CRTAC1: variants seen among roughly 807,000 people sequenced by gnomAD.
The protein encoded by CRTAC1 is cartilage acidic protein 1.
In CRTAC1, 37 loss-of-function variants were observed where a neutral mutation model predicts 67.8. The observed-to-expected ratio is 0.55, with a 90% CI of 0.42 to 0.72. The LOEUF is 0.72. Among genes scored for constraint, CRTAC1 ranks in the 30% least tolerant of loss-of-function variants. The pLI, the probability that CRTAC1 is intolerant of heterozygous loss-of-function variation, is 0.00. For synonymous variants in CRTAC1, 348 were observed against 371.0 expected, an observed-to-expected ratio of 0.94 and a Z score of 0.71; for missense variants, 780 against 931.6, an observed-to-expected ratio of 0.84 and a Z score of 2.12.
intron 2 of CRTAC1, among the ~76,000 whole-genome samples, chr10:97,995,858 C>G (rs1842554405): frequency 6.6e-6 from 1 of 152,112 alleles, no homozygotes; most frequent in South Asian, 2.1e-4. Context: ...TACAAATCCT[C>G]TCTGGTAAAA....
intron 3 of CRTAC1, among the ~76,000 whole-genome samples, chr10:97,926,506 C>T (rs1002067570): frequency 1.6e-4 from 25 of 152,116 alleles, no homozygotes; most frequent in African/African-American, 5.6e-4. Flanking sequence ...ATTTTTCCTT[C>T]AGACTTTGGA....
chr10:97,925,858 T>C (rs937298927), intron 3 of CRTAC1, among the ~76,000 whole-genome samples: 1 of 151,858 alleles, frequency 6.6e-6, no homozygotes, highest in Non-Finnish European at 1.5e-5. Context: ...GTAAGAAGCG[T>C]GTGTAAGTGA....
Position 98,001,797 on chromosome 10 carries a change from C to G in CRTAC1, c.224+9341G>C, listed in dbSNP as rs973584235. Among the ~76,000 whole-genome samples, 4 of 152,174 alleles carry G rather than the reference C, an allele frequency of 2.6e-5. No individual in the cohort carries two copies. The East Asian group carries it at 7.7e-4, about 29-fold the overall frequency. Reference sequence around the variant, plus strand: ...CTAGACACCCGCACCTCAAAAATAACCTCAAAAGTTTCCTTAGAGGGAAAA... The same window carrying G: ...CTAGACACCCGCACCTCAAAAATAAGCTCAAAAGTTTCCTTAGAGGGAAAA... On this transcript the variant is annotated intron_variant, in intron 2 of 14. Transcript: ENST00000370597.
intron 12 of CRTAC1, 127 bp from the exon 13 acceptor site, chr10:97,882,955 C>G: frequency 1.1e-6 from 1 of 948,576 alleles, no homozygotes; most frequent in Non-Finnish European, 1.6e-6. Context: ...GAGCTCTGGG[C>G]CTGGGGGGAG....
At chr10:97,923,761 T>A (rs1302844080) in intron 3 of CRTAC1, among the ~76,000 whole-genome samples, 1 of 152,134 alleles carries the variant, frequency 6.6e-6, no homozygotes, top group African/African-American at 2.4e-5. Context: ...TACGGCAACA[T>A]CCAAACTCAA....
intron 2 of CRTAC1, among the ~76,000 whole-genome samples, chr10:97,939,130 T>C (rs1292585422): frequency 1.3e-5 from 2 of 152,114 alleles, no homozygotes; most frequent in African/African-American, 4.8e-5. Context: ...TCTCCTAGAA[T>C]GTCTTCACCA....
chr10:97,977,805 C>T lies in CRTAC1; in HGVS notation c.224+33333G>A, dbSNP rs527826772. On this transcript the variant is annotated intron_variant, in intron 2 of 14. Coordinates refer to ENST00000370597, the MANE Select transcript of CRTAC1 (RefSeq NM_018058.7). ...CCTATTGGAATTGATGAGTACCTCA[C>T]GAGTGTAAATCAGAGTGGCAGGGAA... 2.6e-5 allele frequency among the ~76,000 whole-genome samples: 4 copies of T among 152,266 alleles called. No individual in the cohort carries two copies. In the East Asian group the frequency reaches 5.8e-4, roughly 22 times the overall value.
At chr10:97,896,693 G>A (rs1355472012) in intron 9 of CRTAC1, among the ~76,000 whole-genome samples, 1 of 152,180 alleles carries the variant, frequency 6.6e-6, no homozygotes, top group Non-Finnish European at 1.5e-5. Flanking sequence ...CTGGGATTGG[G>A]GGAGTGGACC....
intron 1 of CRTAC1, among the ~76,000 whole-genome samples, chr10:98,019,492 A>G (rs1843073864): frequency 6.6e-6 from 1 of 152,176 alleles, no homozygotes; most frequent in African/African-American, 2.4e-5. Flanking sequence ...CTGAACATCC[A>G]CAATGCACAG....
At chr10:97,941,486 C>T (rs1447844990) in intron 2 of CRTAC1, among the ~76,000 whole-genome samples, 1 of 152,144 alleles carries the variant, frequency 6.6e-6, no homozygotes, top group Non-Finnish European at 1.5e-5. Flanking sequence ...GACTGGCTAC[C>T]TGACATCACC....
chr10:97,997,165 G>T (rs1436767019), intron 2 of CRTAC1, among the ~76,000 whole-genome samples: 9 of 148,994 alleles, frequency 6.0e-5, no homozygotes, highest in Admixed American at 5.4e-4. Flanking sequence ...CAGCACACCA[G>T]CATGGCACAT....
intron 5 of CRTAC1, among the ~76,000 whole-genome samples, chr10:97,909,188 C>A (rs142282582): frequency 6.6e-6 from 1 of 152,106 alleles, no homozygotes; most frequent in Non-Finnish European, 1.5e-5. Context: ...AACCTTAATA[C>A]GTCCTGAACA....
Position 97,917,628 on chromosome 10 carries a change from G to T in CRTAC1, c.587C>A (p.Ala196Asp), listed in dbSNP as rs767560462. 1.3e-6 allele frequency: 2 copies of T among 1,596,476 alleles called. No homozygotes were observed. Among genetic ancestry groups the T allele is most frequent in the Non-Finnish European group, 1.7e-6 (2 of 1,169,064 alleles). The change falls in exon 5 of 15, where the codon GCC becomes GAC. Residue 196 changes from alanine to aspartate, a missense_variant. Physicochemically the swap from Ala to Asp is moderately radical, Grantham distance 126. Transcript: ENST00000370597. ...KGSGRYSIYI[A>D]NYAYGNVGPD... Reference sequence around the variant, plus strand: ...GCCCACATTACCGTAGGCGTAATTGGCAATGTAGATAGAGTAGCGTCCAGA... The same window carrying T: ...GCCCACATTACCGTAGGCGTAATTGTCAATGTAGATAGAGTAGCGTCCAGA...
At chr10:97,878,738 C>T (rs1360986556) in intron 14 of CRTAC1, 1 of 1,298,588 alleles carries the variant, frequency 7.7e-7, no homozygotes, top group Non-Finnish European at 1.0e-6. Context: ...TCCAGCCAGA[C>T]ATTGAGGAGT....
At chr10:97,889,079 T>G (rs1443390464) in intron 11 of CRTAC1, among the ~76,000 whole-genome samples, 5 of 77,590 alleles carry the variant, frequency 6.4e-5, no homozygotes, top group Admixed American at 1.8e-4. Flanking sequence ...GTGGCATGTG[T>G]GGGTGGGGCT....
intron 2 of CRTAC1, among the ~76,000 whole-genome samples, chr10:97,946,389 C>A (rs2051264191): frequency 6.6e-6 from 1 of 152,186 alleles, no homozygotes; most frequent in African/African-American, 2.4e-5. Flanking sequence ...CATGATCCTC[C>A]TTCCCAAGAC....
In CRTAC1 at chr10:97,913,688, C is replaced by T. The variant is rs113206362; in HGVS notation, c.715+3812G>A. ...GGGCTTTGGGTACCCCTAGCAGGCC[C>T]GTGCTGCACTTCCTGGGGGTCCCGG... On this transcript the variant is annotated intron_variant, in intron 5 of 14. Transcript: ENST00000370597. 2.5e-3 allele frequency among the ~76,000 whole-genome samples: 379 copies of T among 152,298 alleles called. 4 individuals are homozygous for T. The highest frequency in any genetic ancestry group is 8.6e-3 in the African/African-American group (356 of 41,566).
Position 97,936,316 on chromosome 10 carries a change from A to G in CRTAC1, c.275T>C (p.Leu92Pro). The G allele has an allele frequency of 6.2e-7, 1 of 1,613,470 alleles. No individual in the cohort carries two copies. The highest frequency in any genetic ancestry group is 8.5e-7 in the Non-Finnish European group (1 of 1,179,490). ...VLKYDRAQKRLVNIAVDERSS... is the reference protein window; with the variant it reads ...VLKYDRAQKRPVNIAVDERSS... ...GCGCTCATCGACCGCGATGTTCACC[A>G]GCCGCTTCTGGGCCCGGTCATACTT... Residue 92 changes from leucine to proline, a missense_variant, in exon 3 of 15, where the codon CTG (leucine) becomes CCG (proline). Leu to Pro is a moderately conservative substitution (Grantham distance 98, BLOSUM62 -3). Coordinates refer to ENST00000370597, the MANE Select transcript of CRTAC1 (RefSeq NM_018058.7).
At chr10:97,923,813 T>C (rs1368002882) in intron 3 of CRTAC1, among the ~76,000 whole-genome samples, 1 of 152,178 alleles carries the variant, frequency 6.6e-6, no homozygotes, top group Non-Finnish European at 1.5e-5. Context: ...CTACATTCTC[T>C]ACTGGATCGC....
Sources: gnomAD v4.1 joint callset for allele counts (sites outside exome capture counted in the v4.1 genomes callset) on GRCh38, gnomAD v4.1.1 for gene constraint, MANE v1.5 for transcripts, NCBI Gene and HGNC (gene_info 2026-07-23, HGNC 2026-07-21) for gene names.